The following AKR1E2 variants were observed in gnomAD, a reference collection of about 807,000 sequenced individuals.
AKR1E2 encodes 1,5-anhydro-D-fructose reductase.
Under a neutral mutation model 41.9 loss-of-function variants are expected in AKR1E2, and 43 were observed. The observed-to-expected ratio is 1.03, with a 90% CI of 0.80 to 1.32. AKR1E2 has a LOEUF of 1.32. Among genes scored for constraint, AKR1E2 ranks in the 40% most tolerant of loss-of-function variants. The pLI is 0.00. For synonymous variants in AKR1E2, 121 were observed against 138.9 expected (o/e 0.87, Z 0.91); for missense variants, 423 against 396.5 (o/e 1.07, Z -0.57).
At chr10:4,858,823 A>ATTTTT in the AKR1E2 span, among the ~76,000 whole-genome samples, 21 of 131,984 alleles carry the variant, frequency 1.6e-4, no homozygotes, top group African/African-American at 4.9e-4. Flanking sequence ...AGGAATTTGG[A>ATTTTT]TTTTTTTTTT....
At chr10:4,848,200 C>T (rs1194298284), downstream of AKR1E2, 2 of 152,114 alleles carry the variant, frequency 1.3e-5, no homozygotes, top group Non-Finnish European at 2.9e-5. Flanking sequence ...GCCTCAGCCC[C>T]CCAAGTAGCT....
the AKR1E2 span, among the ~76,000 whole-genome samples, chr10:4,872,362 A>C: frequency 6.6e-6 from 1 of 152,236 alleles, no homozygotes; most frequent in Non-Finnish European, 1.5e-5. Context: ...ATGTATGTCA[A>C]ACATTCAGAA....
At chr10:4,859,439 T>C in the AKR1E2 span, among the ~76,000 whole-genome samples, 2 of 152,264 alleles carry the variant, frequency 1.3e-5, no homozygotes, top group Non-Finnish European at 2.9e-5. Flanking sequence ...TGAGTAGTTA[T>C]TTGATATGTG....
rs1833356946 is a variant in AKR1E2, at chr10:4,835,706, G to C, written c.356G>C (p.Ser119Thr). 6.2e-7 allele frequency: 1 copy of C among 1,614,120 alleles called. No homozygotes were observed. Among genetic ancestry groups the C allele is most frequent in the African/African-American group, 1.3e-5 (1 of 75,056 alleles). The change falls in exon 4 of 10, where the codon AGT becomes ACT. Residue 119 changes from serine to threonine, a missense_variant. Transcript: ENST00000298375. ...PPHPEWIMSC[S>T]ELSFCLSHPR... ...CATCCAGAATGGATCATGAGCTGCAGTGAACTTTCCTTCTGCCTCTCACAT... is the reference window on the plus strand; with the variant it reads ...CATCCAGAATGGATCATGAGCTGCACTGAACTTTCCTTCTGCCTCTCACAT...
intron 2 of AKR1E2, among the ~76,000 whole-genome samples, chr10:4,831,998 A>C (rs533986860): frequency 4.1e-4 from 62 of 152,294 alleles, no homozygotes; most frequent in Middle Eastern, 3.4e-3. Flanking sequence ...ACAGTGGGTG[A>C]GGGAGGGAGA....
the AKR1E2 span, among the ~76,000 whole-genome samples, chr10:4,854,671 A>G: frequency 0.28 from 42,506 of 152,094 alleles, 6,258 homozygotes; most frequent in Middle Eastern, 0.38. Context: ...GAAATAGACT[A>G]CAGCAGTGAT....
rs374256764 is a variant in AKR1E2 at position 4,846,290 on chromosome 10, G to C, written c.838-858G>C. The C allele has an allele frequency of 1.2e-4, 21 of 180,790 alleles. 1 individual carries two copies. In the East Asian group the frequency reaches 1.7e-3, roughly 14 times the overall value. The allele number at this position is 180,790 out of a possible 1,614,324, so 11.2% of individuals were successfully genotyped here. A position where few individuals can be genotyped will look rare whatever the true frequency, so the allele number is the denominator to read the frequency against. ...CGCAAGACAGCCACTCTGCCAGGCCGGGGTGGATGCTGATGCTGTGGCCAT... is the reference window on the plus strand; with the variant it reads ...CGCAAGACAGCCACTCTGCCAGGCCCGGGTGGATGCTGATGCTGTGGCCAT... On this transcript the variant is annotated intron_variant, in intron 8 of 9. Coordinates refer to ENST00000298375, the MANE Select transcript of AKR1E2 (RefSeq NM_001040177.3).
rs2961580 is a variant in AKR1E2 at position 4,835,940 on chromosome 10, A to C, written c.459+131A>C. The C allele has an allele frequency of 0.95, 1,252,743 of 1,317,816 alleles. 597,625 individuals are homozygous for C. Among genetic ancestry groups the C allele is most frequent in the East Asian group, 0.99 (40,463 of 40,908 alleles). The allele number at this position is 1,317,816 out of a possible 1,614,324, so 81.6% of individuals were successfully genotyped here. A position where few individuals can be genotyped will look rare whatever the true frequency, so the allele number is the denominator to read the frequency against. On this transcript the variant is annotated intron_variant, in intron 4 of 9. Coordinates refer to ENST00000298375, the MANE Select transcript of AKR1E2 (RefSeq NM_001040177.3). ...TGAGATGTGGGGTTTGTGGAGCAAAAAAGGAATCAATACCCGAAGAACTCA... is the reference window on the plus strand; with the variant it reads ...TGAGATGTGGGGTTTGTGGAGCAAACAAGGAATCAATACCCGAAGAACTCA...
intron 4 of AKR1E2, among the ~76,000 whole-genome samples, chr10:4,837,106 A>G (rs1411936472): frequency 1.3e-5 from 2 of 152,248 alleles, no homozygotes; most frequent in East Asian, 3.8e-4. Context: ...CAGGAGGAAT[A>G]GGAACAAGAA....
intron 5 of AKR1E2, 93 bp from the exon 6 acceptor site, chr10:4,839,636 T>C (rs1164881045): frequency 2.5e-6 from 3 of 1,188,634 alleles, no homozygotes; most frequent in African/African-American, 3.0e-5. Flanking sequence ...GGCTACTCGG[T>C]GACAGCCAAG....
At position 4,847,886 on chromosome 10, in the gene AKR1E2, G is replaced by T. The variant is rs530448077; in HGVS notation, c.*356G>T. ...TAATGTGTCTCTGCCCCATTGCGCA[G>T]CTCCACCCATTGTGCCCCAGGCCAG... On this transcript the variant is annotated 3_prime_UTR_variant, in exon 10 of 10. Coordinates refer to ENST00000298375, the MANE Select transcript of AKR1E2 (RefSeq NM_001040177.3). 1.4e-5 allele frequency: 3 copies of T among 217,348 alleles called. No homozygotes were observed. The East Asian group carries it at 3.3e-4, about 24-fold the overall frequency. The allele number at this position is 217,348 out of a possible 1,614,324, so 13.5% of individuals were successfully genotyped here.
chr10:4,846,353 G>A lies in AKR1E2; in HGVS notation c.838-795G>A, dbSNP rs113719912. On this transcript the variant is annotated intron_variant, in intron 8 of 9. Transcript: ENST00000298375. ...TCAGTGTGTGGGGACAACAAAAGGG[G>A]AGGGAAGGGCTGAGAAGAATACTAT... Among the ~76,000 whole-genome samples, 1,179 of 152,276 alleles carry A rather than the reference G, an allele frequency of 7.7e-3. 8 individuals are homozygous for A. The highest frequency in any genetic ancestry group is 0.011 in the Non-Finnish European group (782 of 68,024).
downstream of AKR1E2, among the ~76,000 whole-genome samples, chr10:4,851,830 T>C (rs957423970): frequency 1.3e-5 from 2 of 152,202 alleles, no homozygotes; most frequent in Non-Finnish European, 2.9e-5. Context: ...TTACATACCA[T>C]GTGGGAAACA....
chr10:4,861,148 A>G, the AKR1E2 span, among the ~76,000 whole-genome samples: 14 of 152,178 alleles, frequency 9.2e-5, no homozygotes, highest in African/African-American at 3.4e-4. Context: ...CAAAACTTTT[A>G]AAGTGTTCAG....
At chr10:4,844,117 G>A (rs1834106499) in intron 8 of AKR1E2, among the ~76,000 whole-genome samples, 1 of 152,228 alleles carries the variant, frequency 6.6e-6, no homozygotes, top group Non-Finnish European at 1.5e-5. Flanking sequence ...GAGTGTTACA[G>A]TTCTTAAAGG....
chr10:4,825,794 T>G (rs1451342683), upstream of AKR1E2, among the ~76,000 whole-genome samples: 1 of 152,168 alleles, frequency 6.6e-6, no homozygotes, highest in Non-Finnish European at 1.5e-5. Context: ...GAGCTTGCCC[T>G]AGGATGGCCC....
the AKR1E2 span, among the ~76,000 whole-genome samples, chr10:4,869,097 C>T: frequency 6.6e-6 from 1 of 152,112 alleles, no homozygotes; most frequent in South Asian, 2.1e-4. Context: ...TTTTCTGAAG[C>T]GATTGTATAG....
chr10:4,835,600 C>T (rs937314330), intron 3 of AKR1E2, 75 bp from the exon 4 acceptor site: 9 of 1,516,692 alleles, frequency 5.9e-6, no homozygotes, highest in Middle Eastern at 1.8e-4. Flanking sequence ...GGCTTGGATG[C>T]AGGTCTCCTG....
At chr10:4,871,980 C>T in the AKR1E2 span, 1 of 150,202 alleles carries the variant, frequency 6.7e-6, no homozygotes, top group African/African-American at 2.4e-5. Context: ...TTTCTGGGCT[C>T]ATAAAGACAG....
Sources: gnomAD v4.1 joint callset for allele counts (sites outside exome capture counted in the v4.1 genomes callset) on GRCh38, gnomAD v4.1.1 for gene constraint, MANE v1.5 for transcripts, NCBI Gene and HGNC (gene_info 2026-07-23, HGNC 2026-07-21) for gene names.